HNF4A: variants seen among roughly 807,000 people sequenced by gnomAD.
HNF4A encodes the protein hepatocyte nuclear factor 4 alpha, also known as hepatocyte nuclear factor 4-alpha.
HNF4A carries 15 observed loss-of-function variants against 52.4 expected under a neutral mutation model. That is an observed-to-expected ratio of 0.29 (90% CI 0.19 to 0.44). The LOEUF (loss-of-function observed/expected upper bound fraction) is 0.44. Ranked by LOEUF, HNF4A falls within the 20% of genes least tolerant of loss-of-function variation. HNF4A has a pLI of 1.00. For missense variants in HNF4A, 479 were observed against 647.2 expected (o/e 0.74, Z 2.82); for synonymous variants, 280 against 264.4 (o/e 1.06, Z -0.57).
At chr20:44,387,390 T>G (rs1173498779) in intron 1 of HNF4A, among the ~76,000 whole-genome samples, 3 of 149,268 alleles carry the variant, frequency 2.0e-5, no homozygotes, top group Admixed American at 6.7e-5. Flanking sequence ...ATGGCTAGTA[T>G]GCCTGCTGCT....
intron 1 of HNF4A, among the ~76,000 whole-genome samples, chr20:44,381,987 A>G (rs563356216): frequency 6.6e-6 from 1 of 152,230 alleles, no homozygotes; most frequent in South Asian, 2.1e-4. Context: ...GGTTTAACAC[A>G]TTTACTCCAC....
At chr20:44,411,550 GC>G (rs1464136831) in intron 3 of HNF4A, among the ~76,000 whole-genome samples, 1 of 152,068 alleles carries the variant, frequency 6.6e-6, no homozygotes, top group Non-Finnish European at 1.5e-5. Flanking sequence ...GGGGTGGACG[GC>G]CCGGTCAGGG....
At chr20:44,418,396 T>G in intron 5 of HNF4A, 29 bp from the exon 6 acceptor site, 2 of 1,597,876 alleles carry the variant, frequency 1.3e-6, no homozygotes, top group Non-Finnish European at 1.7e-6. Context: ...AGGGTACAGA[T>G]GGCAAACACT....
At chr20:44,429,424 G>A in intron 9 of HNF4A, 99 bp from the exon 10 acceptor site, 2 of 1,291,114 alleles carry the variant, frequency 1.5e-6, no homozygotes, top group Non-Finnish European at 2.2e-6. Flanking sequence ...AAGTCAAGGT[G>A]GGGCAGGGTG....
intron 1 of HNF4A, among the ~76,000 whole-genome samples, chr20:44,404,731 T>A (rs2063461086): frequency 8.2e-6 from 1 of 121,558 alleles, no homozygotes; most frequent in Non-Finnish European, 1.5e-5. Flanking sequence ...GTGGACTCTG[T>A]GTTCATGTGT....
At chr20:44,386,154 A>G (rs1309036113) in intron 1 of HNF4A, among the ~76,000 whole-genome samples, 1 of 133,582 alleles carries the variant, frequency 7.5e-6, no homozygotes, top group African/African-American at 2.8e-5. Context: ...CCCAGCCACC[A>G]TCTGATTTTT....
rs1347656794 is a variant in HNF4A, at chr20:44,431,652, A to G, written c.*1987A>G. On this transcript the variant is annotated 3_prime_UTR_variant, in exon 10 of 10. Transcript: ENST00000316099. ...ATGTGGAATCTTGGTGGCTTTGAGGACATTCTGGAAAATGCCACTGACCAG... is the reference window on the plus strand; with the variant it reads ...ATGTGGAATCTTGGTGGCTTTGAGGGCATTCTGGAAAATGCCACTGACCAG... The G allele has an allele frequency of 6.6e-6, 1 of 152,174 alleles. No homozygotes were observed. The highest frequency in any genetic ancestry group is 2.4e-5 in the African/African-American group (1 of 41,408). The allele number at this position is 152,174 out of a possible 1,614,324, so 9.4% of individuals were successfully genotyped here. A position where few individuals can be genotyped will look rare whatever the true frequency, so the allele number is the denominator to read the frequency against.
At chr20:44,391,270 G>T (rs1333636261) in intron 1 of HNF4A, among the ~76,000 whole-genome samples, 1 of 152,142 alleles carries the variant, frequency 6.6e-6, no homozygotes, top group Admixed American at 6.6e-5. Flanking sequence ...AGGTTCTCCA[G>T]TGCTGACGGG....
chr20:44,429,909 A>C lies in HNF4A; in HGVS notation c.*244A>C. 1.9e-6 allele frequency: 1 copy of C among 537,642 alleles called. No homozygotes were observed. Among genetic ancestry groups the C allele is most frequent in the Admixed American group, 3.2e-5 (1 of 30,808 alleles). The allele number at this position is 537,642 out of a possible 1,614,324, so 33.3% of individuals were successfully genotyped here. Reference sequence around the variant, plus strand: ...TCTACTGCCTTGGACAACTTTTCTCATGTTGAAGCCACTGCCTTCACCTTC... The same window carrying C: ...TCTACTGCCTTGGACAACTTTTCTCCTGTTGAAGCCACTGCCTTCACCTTC... On this transcript the variant is annotated 3_prime_UTR_variant, in exon 10 of 10. Coordinates refer to ENST00000316099, the MANE Select transcript of HNF4A (RefSeq NM_000457.6).
At chr20:44,386,701 A>G (rs1568704320) in intron 1 of HNF4A, among the ~76,000 whole-genome samples, 1 of 152,182 alleles carries the variant, frequency 6.6e-6, no homozygotes, top group Non-Finnish European at 1.5e-5. Flanking sequence ...GAGGCCAGAC[A>G]TGCTGCCAGG....
intron 1 of HNF4A, among the ~76,000 whole-genome samples, chr20:44,381,853 C>T (rs948380938): frequency 6.6e-6 from 1 of 152,198 alleles, no homozygotes; most frequent in Non-Finnish European, 1.5e-5. Flanking sequence ...TCAAGTGATC[C>T]ACCCACCTCA....
At position 44,428,343 on chromosome 20, in the gene HNF4A, A is replaced by C; in HGVS notation, c.1138A>C (p.Ser380Arg). The C allele has an allele frequency of 6.2e-7, 1 of 1,614,024 alleles. No homozygotes were observed. The highest frequency in any genetic ancestry group is 8.5e-7 in the Non-Finnish European group (1 of 1,179,990). ...ACCTTCTCTACCTGCAGGGTCCCCC[A>C]GCGATGCACCCCATGCCCACCACCC... is the stretch of plus-strand genomic sequence containing the variant. Residue 380 changes from serine to arginine, a missense_variant, in exon 9 of 10, where the codon AGC becomes CGC. This residue lies in a region of HNF4A where 389 missense variants were observed against 525.1 expected (regional missense o/e 0.74). Transcript: ENST00000316099.
Position 44,419,732 on chromosome 20 carries a change from A to G in HNF4A, c.748A>G (p.Ile250Val), listed in dbSNP as rs773402510. ...CCCAACCCTTCCAGGCAATGACTAC[A>G]TTGTCCCTCGGCACTGCCCGGAGCT... The change falls in exon 7 of 10, where the codon ATT becomes GTT. Residue 250 changes from isoleucine (I) to valine (V), a missense_variant. By Grantham distance (29) the Ile-to-Val change is conservative. Around this residue, in one of 3 missense-constraint regions of HNF4A, gnomAD observed 389 missense variants for 525.1 expected, o/e 0.74. Transcript: ENST00000316099. 12 of 1,611,566 alleles carry G rather than the reference A, an allele frequency of 7.4e-6. No homozygotes were observed. The highest frequency in any genetic ancestry group is 1.7e-4 in the Middle Eastern group (1 of 6,046).
intron 3 of HNF4A, among the ~76,000 whole-genome samples, chr20:44,411,938 T>A (rs2063590155): frequency 6.6e-6 from 1 of 151,128 alleles, no homozygotes; most frequent in Admixed American, 6.6e-5. Flanking sequence ...ACGCCTATAA[T>A]CCCAGCTATT....
At chr20:44,421,489 C>T (rs554172120) in intron 7 of HNF4A, among the ~76,000 whole-genome samples, 3 of 152,090 alleles carry the variant, frequency 2.0e-5, no homozygotes, top group Non-Finnish European at 2.9e-5. Context: ...TGTGGTGGCT[C>T]ACGCCTGTAA....
At chr20:44,411,856 G>C (rs1481100827) in intron 3 of HNF4A, among the ~76,000 whole-genome samples, 1 of 150,850 alleles carries the variant, frequency 6.6e-6, no homozygotes, top group East Asian at 2.0e-4. Flanking sequence ...AGGTTTTCGA[G>C]ACCAGCCTGG....
intron 7 of HNF4A, among the ~76,000 whole-genome samples, chr20:44,422,867 T>C (rs1039646669): frequency 6.6e-6 from 1 of 151,762 alleles, no homozygotes; most frequent in African/African-American, 2.4e-5. Context: ...TCAGTAGAGA[T>C]GGGGTTTCAC....
intron 1 of HNF4A, among the ~76,000 whole-genome samples, chr20:44,388,436 G>C (rs1435551267): frequency 1.4e-5 from 2 of 144,504 alleles, no homozygotes; most frequent in Non-Finnish European, 3.0e-5. Context: ...GTGGTGGAAG[G>C]GCAGCGGCTG....
At chr20:44,375,147 A>G (rs1234619052) in intron 1 of HNF4A, among the ~76,000 whole-genome samples, 3 of 152,070 alleles carry the variant, frequency 2.0e-5, no homozygotes, top group African/African-American at 4.8e-5. Flanking sequence ...GATGTTGAAC[A>G]TTTTTTCATC....
Sources: allele counts gnomAD v4.1 joint callset (sites outside exome capture counted in the v4.1 genomes callset), GRCh38; gene constraint gnomAD v4.1.1; regional missense constraint gnomAD v4.1.1; transcripts MANE v1.5; gene names NCBI Gene and HGNC (gene_info 2026-07-23, HGNC 2026-07-21).